Variants in SGCZ observed in about 807,000 individuals in gnomAD.
The protein encoded by SGCZ is sarcoglycan zeta, also known as zeta-sarcoglycan.
In SGCZ, 40 loss-of-function variants were observed where a neutral mutation model predicts 41.3. The observed-to-expected ratio is 0.97, with a 90% CI of 0.75 to 1.26. The LOEUF is 1.26. Ranked by LOEUF, SGCZ falls within the 50% of genes most tolerant of loss-of-function variation. The pLI is 0.00. For synonymous variants in SGCZ, 206 were observed against 137.5 expected, an observed-to-expected ratio of 1.50 and a Z score of -3.49; for missense variants, 552 against 369.8, an observed-to-expected ratio of 1.49 and a Z score of -4.04.
In SGCZ at chr8:14,527,548, T is replaced by TA. The variant is rs1563387660; in HGVS notation, c.234+27183_234+27184insT. ...AAGCATTTAAAATATTCACCTTTTT[T>TA]TAAAAAAACATCAATAGCCCTTAAA... On this transcript the variant is annotated intron_variant, in intron 2 of 7. Transcript: ENST00000382080. 2.4e-4 allele frequency among the ~76,000 whole-genome samples: 36 copies of TA among 150,946 alleles called. No individual in the cohort carries two copies. In the East Asian group the frequency reaches 5.7e-3, roughly 24 times the overall value.
chr8:14,702,003 T>A (rs1809153359), intron 1 of SGCZ, among the ~76,000 whole-genome samples: 1 of 151,896 alleles, frequency 6.6e-6, no homozygotes, highest in African/African-American at 2.4e-5. Flanking sequence ...GCTCAAACAT[T>A]TTTACACGCA....
At chr8:14,512,393 G>T (rs531153825) in intron 2 of SGCZ, among the ~76,000 whole-genome samples, 14 of 152,006 alleles carry the variant, frequency 9.2e-5, no homozygotes, top group Non-Finnish European at 2.1e-4. Flanking sequence ...TTTTCCATTG[G>T]TATTTTTCCT....
chr8:15,066,752 A>G (rs923338011), intron 1 of SGCZ, among the ~76,000 whole-genome samples: 3 of 152,192 alleles, frequency 2.0e-5, no homozygotes, highest in Admixed American at 6.5e-5. Flanking sequence ...TTTCCATTTC[A>G]TAACTCTCGA....
intron 1 of SGCZ, among the ~76,000 whole-genome samples, chr8:14,798,682 G>A (rs1801216669): frequency 6.6e-6 from 1 of 151,670 alleles, no homozygotes; most frequent in Non-Finnish European, 1.5e-5. Flanking sequence ...TATTTTAAGT[G>A]AAAAAGGAGT....
chr8:14,690,592 A>T (rs1053730974), intron 1 of SGCZ: 8 of 152,224 alleles, frequency 5.3e-5, no homozygotes, highest in Non-Finnish European at 1.2e-4. Flanking sequence ...ACAAAGAAGC[A>T]TTCAAGAAAA....
chr8:14,631,565 A>G (rs1227921600), intron 1 of SGCZ, among the ~76,000 whole-genome samples: 2 of 152,116 alleles, frequency 1.3e-5, no homozygotes, highest in African/African-American at 4.8e-5. Flanking sequence ...GGATATGAAT[A>G]AAGTCTCAGA....
At chr8:14,291,980 T>C (rs1290495464) in intron 3 of SGCZ, among the ~76,000 whole-genome samples, 1 of 152,036 alleles carries the variant, frequency 6.6e-6, no homozygotes, top group Non-Finnish European at 1.5e-5. Flanking sequence ...ATAATTGGCT[T>C]TTCTAATCTT....
At chr8:14,197,706 A>G (rs1273022406) in intron 4 of SGCZ, among the ~76,000 whole-genome samples, 1 of 152,092 alleles carries the variant, frequency 6.6e-6, no homozygotes, top group East Asian at 1.9e-4. Flanking sequence ...CTAACATCAT[A>G]TTTAATATTC....
chr8:14,179,853 C>T (rs761623295), intron 4 of SGCZ, among the ~76,000 whole-genome samples: 10 of 152,090 alleles, frequency 6.6e-5, no homozygotes, highest in Admixed American at 1.3e-4. Context: ...AACCCTCTAC[C>T]CATTATACAC....
intron 1 of SGCZ, among the ~76,000 whole-genome samples, chr8:14,798,251 A>C (rs368831958): frequency 2.0e-5 from 3 of 152,236 alleles, no homozygotes; most frequent in Non-Finnish European, 4.4e-5. Context: ...AAAGTATAGA[A>C]ATCAATGAAG....
chr8:14,395,661 T>C (rs1798896328), intron 2 of SGCZ, among the ~76,000 whole-genome samples: 1 of 152,196 alleles, frequency 6.6e-6, no homozygotes, highest in African/African-American at 2.4e-5. Flanking sequence ...TGGGAATCAA[T>C]ACTCTAAAAT....
chr8:14,294,787 CAT>C (rs1004236332), intron 3 of SGCZ, among the ~76,000 whole-genome samples: 13 of 151,884 alleles, frequency 8.6e-5, no homozygotes, highest in African/African-American at 3.1e-4. Context: ...TCATCTAAAA[CAT>C]AGATGTCACA....
chr8:15,069,221 A>G (rs1805263671), intron 1 of SGCZ, among the ~76,000 whole-genome samples: 1 of 151,988 alleles, frequency 6.6e-6, no homozygotes, highest in Non-Finnish European at 1.5e-5. Flanking sequence ...TTTGGTAGAG[A>G]CAGGGTCTTG....
intron 1 of SGCZ, among the ~76,000 whole-genome samples, chr8:14,966,341 A>C (rs1204589747): frequency 1.3e-5 from 2 of 151,742 alleles, no homozygotes; most frequent in African/African-American, 4.8e-5. Context: ...ATTCAATTGT[A>C]TATTATTATT....
At chr8:14,410,144 G>C (rs979092994) in intron 2 of SGCZ, among the ~76,000 whole-genome samples, 3 of 152,128 alleles carry the variant, frequency 2.0e-5, no homozygotes, top group Non-Finnish European at 4.4e-5. Flanking sequence ...TAGGGATCTA[G>C]ATTGTGTGCT....
At chr8:14,687,501 A>G (rs980302858) in intron 1 of SGCZ, among the ~76,000 whole-genome samples, 82 of 151,994 alleles carry the variant, frequency 5.4e-4, no homozygotes, top group African/African-American at 2.0e-3. Flanking sequence ...AATTTCATCC[A>G]TGTCCCTACA....
At chr8:15,092,449 G>A (rs961073433) in intron 1 of SGCZ, among the ~76,000 whole-genome samples, 1 of 152,026 alleles carries the variant, frequency 6.6e-6, no homozygotes, top group Non-Finnish European at 1.5e-5. Flanking sequence ...TTTGGAAGTG[G>A]GAAAAATTTT....
At chr8:14,271,819 C>T (rs1242580013) in intron 3 of SGCZ, among the ~76,000 whole-genome samples, 1 of 152,132 alleles carries the variant, frequency 6.6e-6, no homozygotes, top group African/African-American at 2.4e-5. Flanking sequence ...TTTGTAGAAA[C>T]AACTGAACAA....
intron 2 of SGCZ, among the ~76,000 whole-genome samples, chr8:14,423,953 C>T (rs1041630892): frequency 6.6e-6 from 1 of 151,708 alleles, no homozygotes; most frequent in Non-Finnish European, 1.5e-5. Flanking sequence ...ATAATAAATG[C>T]AAAAACAGAA....
Sources: allele counts gnomAD v4.1 joint callset (sites outside exome capture counted in the v4.1 genomes callset), GRCh38; gene constraint gnomAD v4.1.1; transcripts MANE v1.5; gene names NCBI Gene and HGNC (gene_info 2026-07-23, HGNC 2026-07-21).